Variants in SORCS2 observed in about 807,000 individuals in gnomAD.
SORCS2 encodes the protein VPS10 domain-containing receptor SorCS2.
SORCS2 carries 100 observed loss-of-function variants against 141.6 expected under a neutral mutation model. The observed-to-expected ratio is 0.71, with a 90% confidence interval of 0.60 to 0.83. The LOEUF is 0.83. Among genes scored for constraint, SORCS2 ranks in the 40% least tolerant of loss-of-function variants. The pLI is 0.00. For missense variants in SORCS2, 1,646 were observed against 1,560.2 expected, an observed-to-expected ratio of 1.05 and a Z score of -0.93; for synonymous variants, 789 against 676.9, an observed-to-expected ratio of 1.17 and a Z score of -2.57.
intron 2 of SORCS2, among the ~76,000 whole-genome samples, chr4:7,503,535 G>T (rs564623558): frequency 2.0e-5 from 3 of 152,342 alleles, no homozygotes; most frequent in African/African-American, 7.2e-5. Flanking sequence ...CAGAGGTAGA[G>T]ATGGTGCAGG....
intron 3 of SORCS2, among the ~76,000 whole-genome samples, chr4:7,574,218 T>C (rs1196312151): frequency 6.6e-6 from 1 of 152,276 alleles, no homozygotes; most frequent in East Asian, 1.9e-4. Flanking sequence ...AGGACGGGAC[T>C]GTGTTCCCCA....
At chr4:7,197,346 A>G (rs1223901996) in intron 1 of SORCS2, among the ~76,000 whole-genome samples, 1 of 152,202 alleles carries the variant, frequency 6.6e-6, no homozygotes, top group African/African-American at 2.4e-5. Flanking sequence ...GGGGGGACAC[A>G]GTTCAGACCC....
intron 2 of SORCS2, among the ~76,000 whole-genome samples, chr4:7,474,498 C>T (rs11736935): frequency 0.14 from 20,994 of 152,192 alleles, 1,970 homozygotes; most frequent in South Asian, 0.25. Context: ...GTCCGCAGCA[C>T]GGTCCCTGGC....
chr4:7,615,849 G>A (rs1243397976), intron 3 of SORCS2, among the ~76,000 whole-genome samples: 1 of 152,140 alleles, frequency 6.6e-6, no homozygotes, highest in Non-Finnish European at 1.5e-5. Context: ...CACTTCAGTG[G>A]CTCCATTCTC....
chr4:7,333,942 C>T (rs1347333075), intron 1 of SORCS2, among the ~76,000 whole-genome samples: 2 of 151,982 alleles, frequency 1.3e-5, no homozygotes, highest in Non-Finnish European at 2.9e-5. Flanking sequence ...TCCCGCTTCT[C>T]CCATCTCTGC....
chr4:7,322,971 C>CT (rs112892465), intron 1 of SORCS2, among the ~76,000 whole-genome samples: 84,609 of 151,724 alleles, frequency 0.56, 23,660 homozygotes, highest in African/African-American at 0.58. Flanking sequence ...CGGCCCTGCC[C>CT]GTTTTTTATC....
chr4:7,265,213 C>T (rs1399024085), intron 1 of SORCS2, among the ~76,000 whole-genome samples: 1 of 152,212 alleles, frequency 6.6e-6, no homozygotes, highest in Non-Finnish European at 1.5e-5. Flanking sequence ...AAGGTGTAGG[C>T]TGGGCACGAT....
intron 1 of SORCS2, among the ~76,000 whole-genome samples, chr4:7,278,896 A>C (rs1258258420): frequency 6.6e-6 from 1 of 152,226 alleles, no homozygotes; most frequent in Admixed American, 6.5e-5. Context: ...AAGGCTTGAG[A>C]AGCAAGCTGA....
intron 3 of SORCS2, among the ~76,000 whole-genome samples, chr4:7,589,753 A>G (rs2108772788): frequency 6.6e-6 from 1 of 152,306 alleles, no homozygotes; most frequent in African/African-American, 2.4e-5. Flanking sequence ...GAGGACATGG[A>G]TGGTAGGAAC....
intron 25 of SORCS2, among the ~76,000 whole-genome samples, chr4:7,736,573 G>A (rs1233501470): frequency 2.6e-5 from 4 of 152,282 alleles, no homozygotes; most frequent in South Asian, 4.1e-4. Context: ...TGGAGGCAGC[G>A]GGGCTGTGCC....
At chr4:7,709,943 G>T (rs370867043) in intron 14 of SORCS2, among the ~76,000 whole-genome samples, 1 of 151,994 alleles carries the variant, frequency 6.6e-6, no homozygotes, top group Non-Finnish European at 1.5e-5. Flanking sequence ...TTTTTTCCTC[G>T]TTACCTGCAA....
intron 3 of SORCS2, among the ~76,000 whole-genome samples, chr4:7,613,845 A>G (rs1168662786): frequency 1.3e-5 from 2 of 151,572 alleles, no homozygotes; most frequent in Admixed American, 6.6e-5. Context: ...CCATTCACTC[A>G]TCCGCCATCT....
chr4:7,600,670 C>T (rs934499252), intron 3 of SORCS2, among the ~76,000 whole-genome samples: 44 of 149,000 alleles, frequency 3.0e-4, no homozygotes, highest in African/African-American at 9.5e-4. Flanking sequence ...CACACACACA[C>T]ACACACACAC....
intron 2 of SORCS2, among the ~76,000 whole-genome samples, chr4:7,470,125 C>T (rs976198631): frequency 2.0e-5 from 3 of 152,142 alleles, no homozygotes; most frequent in Admixed American, 6.5e-5. Context: ...TTTCATTGAA[C>T]TGTCCAGGGT....
chr4:7,520,482 G>A (rs922669465), intron 2 of SORCS2, among the ~76,000 whole-genome samples: 1 of 152,136 alleles, frequency 6.6e-6, no homozygotes, highest in Non-Finnish European at 1.5e-5. Flanking sequence ...GGTCCTCTGG[G>A]ATTGCGCCCA....
At chr4:7,519,449 T>G (rs1171203628) in intron 2 of SORCS2, among the ~76,000 whole-genome samples, 1 of 152,184 alleles carries the variant, frequency 6.6e-6, no homozygotes, top group Non-Finnish European at 1.5e-5. Context: ...CCCAGACAAG[T>G]GAGTTCACGT....
intron 1 of SORCS2, among the ~76,000 whole-genome samples, chr4:7,222,027 C>T (rs551518463): frequency 9.2e-5 from 14 of 152,160 alleles, no homozygotes; most frequent in African/African-American, 2.4e-4. Flanking sequence ...ATGACCCACC[C>T]GGGCCAGGGT....
intron 2 of SORCS2, among the ~76,000 whole-genome samples, chr4:7,409,161 G>A (rs1336910227): frequency 6.6e-6 from 1 of 152,148 alleles, no homozygotes; most frequent in African/African-American, 2.4e-5. Flanking sequence ...TTGCATTAAA[G>A]GATTCATTAT....
intron 1 of SORCS2, among the ~76,000 whole-genome samples, chr4:7,364,493 G>A (rs759744358): frequency 3.3e-5 from 5 of 152,120 alleles, no homozygotes; most frequent in East Asian, 1.9e-4. Flanking sequence ...TGTGGGCTTC[G>A]GGGGCTTCAA....
Sources: allele counts gnomAD v4.1 joint callset (sites outside exome capture counted in the v4.1 genomes callset), GRCh38; gene constraint gnomAD v4.1.1; transcripts MANE v1.5; gene names NCBI Gene and HGNC (gene_info 2026-07-23, HGNC 2026-07-21).